Variants in DCC observed in about 807,000 individuals in gnomAD.
DCC encodes netrin receptor DCC.
A neutral mutation model predicts 172.5 loss-of-function variants in DCC; 58 were observed. The observed-to-expected ratio is 0.34, with a 90% CI of 0.27 to 0.42. DCC has a LOEUF of 0.42. Ranked by LOEUF, DCC falls within the 10% of genes least tolerant of loss-of-function variation. DCC has a pLI of 1.00. For missense variants in DCC, 1,740 were observed against 1,791.0 expected, an observed-to-expected ratio of 0.97 and a Z score of 0.51; for synonymous variants, 709 against 644.5, an observed-to-expected ratio of 1.10 and a Z score of -1.52.
At chr18:52,980,066 C>T (rs1309541158) in intron 5 of DCC, among the ~76,000 whole-genome samples, 3 of 152,114 alleles carry the variant, frequency 2.0e-5, no homozygotes, top group Non-Finnish European at 4.4e-5. Flanking sequence ...TTATCTGCCC[C>T]CGCCACCCCC....
chr18:53,300,148 T>C lies in DCC; in HGVS notation c.1912-5430T>C, dbSNP rs529167679. Among the ~76,000 whole-genome samples the C allele has an allele frequency of 2.0e-5, 3 of 152,306 alleles. No homozygotes were observed. The South Asian group carries it at 6.2e-4, about 32-fold the overall frequency. ...ATTCCTCTGAAATTAGTAAAAGATT[T>C]TTATTATATAAGTACAGTTGATCCT... On this transcript the variant is annotated intron_variant, in intron 12 of 28. Transcript: ENST00000442544.
chr18:52,447,194 T>C (rs1988152586), intron 1 of DCC, among the ~76,000 whole-genome samples: 1 of 152,180 alleles, frequency 6.6e-6, no homozygotes, highest in Non-Finnish European at 1.5e-5. Context: ...ATGATAAAGA[T>C]AACCCCCCGT....
intron 1 of DCC, among the ~76,000 whole-genome samples, chr18:52,739,148 C>T (rs1266076210): frequency 3.9e-5 from 6 of 152,146 alleles, no homozygotes; most frequent in Admixed American, 3.3e-4. Flanking sequence ...AATTTTTCAG[C>T]TCCACTACAA....
At chr18:53,359,850 A>G (rs1011973851) in intron 15 of DCC, among the ~76,000 whole-genome samples, 4 of 152,074 alleles carry the variant, frequency 2.6e-5, no homozygotes, top group African/African-American at 4.8e-5. Flanking sequence ...ACCCTGACTC[A>G]GTACCCATTT....
At position 53,391,856 on chromosome 18, in the gene DCC, G is replaced by T. The variant is rs761365468; in HGVS notation, c.2657G>T (p.Arg886Ile). 5.6e-6 allele frequency: 9 copies of T among 1,611,826 alleles called. No homozygotes were observed. The South Asian group carries it at 9.9e-5, about 18-fold the overall frequency. The change falls in exon 17 of 29, where the codon AGA becomes ATA. Residue 886 changes from arginine to isoleucine, a missense_variant. Coordinates refer to ENST00000442544, the MANE Select transcript of DCC (RefSeq NM_005215.4). The part of the protein sequence containing the change: ...SEVRLYTVRW[R>I]TSFSASAKYK... ...GTGCGACTTTACACCGTCCGGTGGAGAACCAGCTTTTCTGCAAGTGCAAAA... is the reference window on the plus strand; with the variant it reads ...GTGCGACTTTACACCGTCCGGTGGATAACCAGCTTTTCTGCAAGTGCAAAA...
intron 1 of DCC, among the ~76,000 whole-genome samples, chr18:52,462,381 C>T (rs1420483516): frequency 2.0e-5 from 3 of 152,030 alleles, no homozygotes; most frequent in African/African-American, 7.2e-5. Context: ...CAATCTGTGT[C>T]CCCATTTTAT....
chr18:52,498,334 T>A (rs1303077699), intron 1 of DCC, among the ~76,000 whole-genome samples: 3 of 152,072 alleles, frequency 2.0e-5, no homozygotes, highest in East Asian at 1.9e-4. Context: ...ACTAAAATGA[T>A]GGATACTGGC....
At chr18:52,876,970 A>G (rs916820781) in intron 2 of DCC, among the ~76,000 whole-genome samples, 5 of 152,362 alleles carry the variant, frequency 3.3e-5, no homozygotes, top group African/African-American at 9.6e-5. Context: ...TTTGAATTTC[A>G]GATAAACAAT....
intron 1 of DCC, among the ~76,000 whole-genome samples, chr18:52,518,996 C>T (rs1338698275): frequency 1.3e-5 from 2 of 152,208 alleles, no homozygotes; most frequent in African/African-American, 4.8e-5. Context: ...TGAGTTGAAA[C>T]AGTTTTCAGT....
chr18:52,603,013 A>G (rs1045619721), intron 1 of DCC, among the ~76,000 whole-genome samples: 2 of 152,126 alleles, frequency 1.3e-5, no homozygotes, highest in African/African-American at 4.8e-5. Context: ...AGAAAAGAGT[A>G]TCTAATGGCC....
At chr18:52,390,267 C>T (rs1985979944) in intron 1 of DCC, among the ~76,000 whole-genome samples, 1 of 151,976 alleles carries the variant, frequency 6.6e-6, no homozygotes, top group Admixed American at 6.6e-5. Flanking sequence ...ACTGCATATC[C>T]CTTTGGAGGT....
intron 7 of DCC, among the ~76,000 whole-genome samples, chr18:53,078,612 AT>A (rs1037844146): frequency 6.8e-6 from 1 of 147,018 alleles, no homozygotes; most frequent in East Asian, 1.9e-4. Flanking sequence ...GAGAAATAAT[AT>A]TTTTTTATTT....
chr18:53,272,814 T>C (rs1230798719), intron 12 of DCC, among the ~76,000 whole-genome samples: 3 of 152,180 alleles, frequency 2.0e-5, no homozygotes, highest in Admixed American at 6.6e-5. Context: ...CTTCAAAAAA[T>C]TGTGTTATCC....
chr18:53,350,345 C>A (rs1484248888), intron 15 of DCC, among the ~76,000 whole-genome samples: 2 of 152,136 alleles, frequency 1.3e-5, no homozygotes, highest in African/African-American at 4.8e-5. Context: ...GGTTTTACAT[C>A]TGTTACTCCT....
chr18:53,034,661 C>T (rs1219076806), intron 5 of DCC, among the ~76,000 whole-genome samples: 1 of 151,854 alleles, frequency 6.6e-6, no homozygotes, highest in Non-Finnish European at 1.5e-5. Flanking sequence ...CAGAGTGATC[C>T]TGATCAATCT....
intron 5 of DCC, among the ~76,000 whole-genome samples, chr18:52,971,123 C>T (rs1441433320): frequency 2.0e-5 from 3 of 152,060 alleles, no homozygotes; most frequent in African/African-American, 7.2e-5. Flanking sequence ...GCTGTTCAAC[C>T]CCAGGGGCAG....
chr18:52,610,148 T>A, intron 1 of DCC, among the ~76,000 whole-genome samples: 1 of 38,424 alleles, frequency 2.6e-5, no homozygotes, highest in African/African-American at 1.2e-4. Context: ...ACCCCATCTC[T>A]CATAAAAAAA....
intron 1 of DCC, among the ~76,000 whole-genome samples, chr18:52,683,891 C>T (rs1472957085): frequency 1.3e-5 from 2 of 152,076 alleles, no homozygotes; most frequent in African/African-American, 4.8e-5. Flanking sequence ...GGTGAAGAAA[C>T]AACCAATGGA....
At chr18:53,327,747 T>C (rs1203736044) in intron 14 of DCC, among the ~76,000 whole-genome samples, 1 of 152,194 alleles carries the variant, frequency 6.6e-6, no homozygotes, top group Non-Finnish European at 1.5e-5. Context: ...TTTACACCAG[T>C]GAGCAAAAGA....
Sources: allele counts gnomAD v4.1 joint callset (sites outside exome capture counted in the v4.1 genomes callset), GRCh38; gene constraint gnomAD v4.1.1; transcripts MANE v1.5; gene names NCBI Gene and HGNC (gene_info 2026-07-23, HGNC 2026-07-21).